Variants in MCTP1 observed in about 807,000 individuals in gnomAD.
MCTP1 encodes the protein multiple C2 and transmembrane domain containing 1.
Under a neutral mutation model 120.6 loss-of-function variants are expected in MCTP1, and 69 were observed. The observed-to-expected ratio is 0.57, with a 90% CI of 0.47 to 0.70. The LOEUF (loss-of-function observed/expected upper bound fraction) is 0.70. Ranked by LOEUF, MCTP1 falls within the 30% of genes least tolerant of loss-of-function variation. The pLI is 0.00. For synonymous variants in MCTP1, 529 were observed against 493.1 expected, an observed-to-expected ratio of 1.07 and a Z score of -0.96; for missense variants, 1,203 against 1,248.8, an observed-to-expected ratio of 0.96 and a Z score of 0.55.
In MCTP1 at chr5:94,746,847, C is replaced by A. The variant is rs17084007; in HGVS notation, c.2611-31961G>T. ...ACCTGGTCCCAACCAACCATTCTTACCCTGTCACTCACAACTCTTGCGTCA... is the reference window on the plus strand; with the variant it reads ...ACCTGGTCCCAACCAACCATTCTTAACCTGTCACTCACAACTCTTGCGTCA... On this transcript the variant is annotated intron_variant, in intron 19 of 22. Transcript: ENST00000515393. Among the ~76,000 whole-genome samples, 811 of 152,302 alleles carry A rather than the reference C, an allele frequency of 5.3e-3. 9 individuals carry two copies. Among genetic ancestry groups the A allele is most frequent in the African/African-American group, 0.018 (767 of 41,552 alleles).
At chr5:95,262,908 G>T (rs1453546232) in intron 1 of MCTP1, among the ~76,000 whole-genome samples, 1 of 152,096 alleles carries the variant, frequency 6.6e-6, no homozygotes. Flanking sequence ...TCATATATTT[G>T]TTATTCAATT....
At chr5:94,833,327 T>C (rs750755299) in intron 17 of MCTP1, among the ~76,000 whole-genome samples, 10 of 152,172 alleles carry the variant, frequency 6.6e-5, no homozygotes, top group Non-Finnish European at 1.0e-4. Context: ...CTAATCACAC[T>C]GCTTCTTTCA....
At chr5:94,905,737 C>A (rs1439905328) in intron 10 of MCTP1, among the ~76,000 whole-genome samples, 3 of 152,086 alleles carry the variant, frequency 2.0e-5, no homozygotes, top group African/African-American at 7.2e-5. Context: ...TTGGAGAAAT[C>A]TATTAGACTT....
intron 17 of MCTP1, among the ~76,000 whole-genome samples, chr5:94,853,520 C>G (rs890613064): frequency 1.3e-5 from 2 of 151,886 alleles, no homozygotes; most frequent in Non-Finnish European, 2.9e-5. Context: ...CTTTTGCTTA[C>G]TTTGTATTGC....
At chr5:95,047,174 T>C (rs976521118) in intron 1 of MCTP1, among the ~76,000 whole-genome samples, 2 of 152,182 alleles carry the variant, frequency 1.3e-5, no homozygotes, top group African/African-American at 2.4e-5. Flanking sequence ...AAGTAGATGA[T>C]GTCCTTGAAG....
At chr5:94,848,626 GAATTA>G (rs1018797411) in intron 17 of MCTP1, among the ~76,000 whole-genome samples, 4 of 151,960 alleles carry the variant, frequency 2.6e-5, no homozygotes, top group African/African-American at 7.2e-5. Context: ...TATGATGATT[GAATTA>G]ATTTCAAATT....
At chr5:94,818,261 C>T (rs1172584310) in intron 17 of MCTP1, among the ~76,000 whole-genome samples, 5 of 152,128 alleles carry the variant, frequency 3.3e-5, no homozygotes, top group Non-Finnish European at 1.5e-5. Context: ...ATTTGGCCTT[C>T]CACAGATACA....
chr5:95,188,143 A>T (rs1486500250), intron 1 of MCTP1, among the ~76,000 whole-genome samples: 1 of 152,228 alleles, frequency 6.6e-6, no homozygotes, highest in Non-Finnish European at 1.5e-5. Flanking sequence ...TAGATGGCAA[A>T]TGAGTACATG....
At chr5:95,000,221 A>T (rs532716402) in intron 2 of MCTP1, among the ~76,000 whole-genome samples, 1 of 152,336 alleles carries the variant, frequency 6.6e-6, no homozygotes, top group East Asian at 1.9e-4. Context: ...GTTACATAAA[A>T]GACTAGCACA....
chr5:95,233,997 A>G (rs1308305495), intron 1 of MCTP1, among the ~76,000 whole-genome samples: 1 of 152,066 alleles, frequency 6.6e-6, no homozygotes, highest in East Asian at 1.9e-4. Flanking sequence ...ACCTTGAGCC[A>G]GACCAGGCAG....
chr5:94,951,843 G>A (rs1003422534), intron 3 of MCTP1, among the ~76,000 whole-genome samples: 3 of 152,074 alleles, frequency 2.0e-5, no homozygotes, highest in Non-Finnish European at 4.4e-5. Flanking sequence ...ACGTTATTGT[G>A]CCATCCCATA....
chr5:95,173,030 G>C (rs1747531945), intron 1 of MCTP1, among the ~76,000 whole-genome samples: 1 of 151,636 alleles, frequency 6.6e-6, no homozygotes, highest in Non-Finnish European at 1.5e-5. Flanking sequence ...ATGTTTTTTT[G>C]TATAGTCTGT....
At chr5:95,020,259 G>T (rs1837943853) in intron 1 of MCTP1, among the ~76,000 whole-genome samples, 1 of 151,924 alleles carries the variant, frequency 6.6e-6, no homozygotes, top group Non-Finnish European at 1.5e-5. Context: ...AGAGTATCAG[G>T]TTTTATATTT....
At chr5:95,123,395 C>T (rs1331823475) in intron 1 of MCTP1, among the ~76,000 whole-genome samples, 2 of 152,182 alleles carry the variant, frequency 1.3e-5, no homozygotes, top group Non-Finnish European at 2.9e-5. Flanking sequence ...AGCTTAGACT[C>T]ATTGCAGGCC....
chr5:94,754,627 A>C (rs145667298), intron 19 of MCTP1, among the ~76,000 whole-genome samples: 3 of 152,180 alleles, frequency 2.0e-5, no homozygotes, highest in African/African-American at 7.2e-5. Context: ...TTTCTTTACT[A>C]AACAGTCCGA....
chr5:95,045,923 A>G (rs1169456375), intron 1 of MCTP1, among the ~76,000 whole-genome samples: 2 of 152,142 alleles, frequency 1.3e-5, no homozygotes, highest in African/African-American at 4.8e-5. Flanking sequence ...AAAGTGGCTG[A>G]ACCTCTTCAT....
intron 19 of MCTP1, among the ~76,000 whole-genome samples, chr5:94,724,489 C>A (rs1217996580): frequency 1.3e-5 from 2 of 150,420 alleles, no homozygotes; most frequent in Non-Finnish European, 2.9e-5. Context: ...TGGGTTCAAG[C>A]AATCCTCCCA....
intron 19 of MCTP1, among the ~76,000 whole-genome samples, chr5:94,717,621 C>A (rs1031968849): frequency 2.6e-5 from 4 of 152,060 alleles, no homozygotes; most frequent in Non-Finnish European, 5.9e-5. Context: ...ATCTAGAAAA[C>A]CCTATTGTCT....
intron 1 of MCTP1, among the ~76,000 whole-genome samples, chr5:95,191,357 G>A (rs1048817968): frequency 4.6e-5 from 7 of 151,892 alleles, no homozygotes; most frequent in East Asian, 1.9e-4. Flanking sequence ...AAACTTCTTC[G>A]AAGTGCCCCT....
Sources: gnomAD v4.1 joint callset for allele counts (sites outside exome capture counted in the v4.1 genomes callset) on GRCh38, gnomAD v4.1.1 for gene constraint, MANE v1.5 for transcripts, NCBI Gene and HGNC (gene_info 2026-07-23, HGNC 2026-07-21) for gene names.